The following USP7 variants were observed in gnomAD, a reference collection of about 807,000 sequenced individuals.
USP7 encodes ubiquitin C-terminal hydrolase 7.
USP7 carries 9 observed loss-of-function variants against 162.9 expected under a neutral mutation model. That is an observed-to-expected ratio of 0.06 (90% CI 0.03 to 0.10). The LOEUF (loss-of-function observed/expected upper bound fraction) is 0.10, where lower values mean the gene tolerates loss of function less well. Ranked by LOEUF, USP7 falls within the 10% of genes least tolerant of loss-of-function variation. The pLI is 1.00. For missense variants in USP7, 715 were observed against 1,373.7 expected, an observed-to-expected ratio of 0.52 and a Z score of 7.58; for synonymous variants, 562 against 475.9, an observed-to-expected ratio of 1.18 and a Z score of -2.35.
intron 1 of USP7, among the ~76,000 whole-genome samples, chr16:8,934,288 G>A (rs1042001979): frequency 6.6e-6 from 1 of 152,112 alleles, no homozygotes; most frequent in African/African-American, 2.4e-5. Flanking sequence ...GTAATTCTGA[G>A]GTACAGGTTA....
chr16:8,911,175 T>C (rs2061940940), intron 10 of USP7, among the ~76,000 whole-genome samples: 1 of 152,200 alleles, frequency 6.6e-6, no homozygotes, highest in African/African-American at 2.4e-5. Context: ...AAAGCAGAGA[T>C]GCACAAATGT....
intron 12 of USP7, 58 bp from the exon 13 acceptor site, chr16:8,906,640 T>A (rs2061864513): frequency 6.5e-7 from 1 of 1,534,924 alleles, no homozygotes; most frequent in Admixed American, 1.9e-5. Context: ...AATATCACAC[T>A]TTACAGTAAG....
At chr16:8,922,616 G>A (rs1261830966) in intron 3 of USP7, among the ~76,000 whole-genome samples, 1 of 152,248 alleles carries the variant, frequency 6.6e-6, no homozygotes, top group East Asian at 1.9e-4. Flanking sequence ...CAAGTCAGCA[G>A]CTTCCCCTGG....
intron 1 of USP7, among the ~76,000 whole-genome samples, chr16:8,936,017 C>A (rs1013359683): frequency 6.6e-6 from 1 of 152,200 alleles, no homozygotes; most frequent in Non-Finnish European, 1.5e-5. Flanking sequence ...TGCCACTTCA[C>A]GAAGATTTAT....
intron 25 of USP7, among the ~76,000 whole-genome samples, chr16:8,897,716 A>ACATATATATAT (rs1596350235): frequency 2.2e-5 from 1 of 46,218 alleles, no homozygotes; most frequent in Non-Finnish European, 4.0e-5. Context: ...AAAAAAAAAA[A>ACATATATATAT]AAAAAAAAAA....
At chr16:8,958,232 G>A (rs899087279) in intron 1 of USP7, among the ~76,000 whole-genome samples, 1 of 152,356 alleles carries the variant, frequency 6.6e-6, no homozygotes, top group South Asian at 2.1e-4. Flanking sequence ...CAAGCCAACA[G>A]GGAGAGGCGA....
intron 22 of USP7, 195 bp downstream of exon 22, chr16:8,899,409 G>C (rs927073267): frequency 1.2e-6 from 1 of 800,018 alleles, no homozygotes; most frequent in East Asian, 2.7e-5. Flanking sequence ...TAATGGTGAG[G>C]TCTACAGGTT....
In USP7 at chr16:8,916,635, C is replaced by G. The variant is rs567337391; in HGVS notation, c.852-79G>C. On this transcript the variant is annotated intron_variant, in intron 7 of 30. Coordinates refer to ENST00000344836, the MANE Select transcript of USP7 (RefSeq NM_003470.3). ...AATTAAAAGTAACTTAGATTGAAAA[C>G]CTAAACTGGATAATCAGCTATTATT... 15 of 1,361,146 alleles carry G rather than the reference C, an allele frequency of 1.1e-5. No homozygotes were observed. In the East Asian group the frequency reaches 3.5e-4, roughly 32 times the overall value. The allele number at this position is 1,361,146 out of a possible 1,614,324, so 84.3% of individuals were successfully genotyped here. A position where few individuals can be genotyped will look rare whatever the true frequency, so the allele number is the denominator to read the frequency against.
chr16:8,955,373 G>C (rs568518496), intron 1 of USP7, among the ~76,000 whole-genome samples: 2 of 150,430 alleles, frequency 1.3e-5, no homozygotes, highest in African/African-American at 4.9e-5. Context: ...GCCTCCCAAA[G>C]TGCTGGGATT....
chr16:8,897,784 A>G (rs2061712197), intron 25 of USP7, among the ~76,000 whole-genome samples: 1 of 139,566 alleles, frequency 7.2e-6, no homozygotes, highest in African/African-American at 2.7e-5. Flanking sequence ...CTGTAATCCT[A>G]GCTACTTGGG....
In USP7 at chr16:8,892,599, T is replaced by C. The variant is rs1596343272; in HGVS notation, c.*1399A>G. 1.8e-5 allele frequency: 2 copies of C among 111,880 alleles called. No individual in the cohort carries two copies. The highest frequency in any genetic ancestry group is 7.1e-5 in the African/African-American group (2 of 28,138). The allele number at this position is 111,880 out of a possible 1,614,324, so 6.9% of individuals were successfully genotyped here. Reference sequence around the variant, plus strand: ...TTTCTTAAGAGTAAATGTGACTAGTTAGAGGCTAAAAAAAAAAAAAAAAAA... The same window carrying C: ...TTTCTTAAGAGTAAATGTGACTAGTCAGAGGCTAAAAAAAAAAAAAAAAAA... On this transcript the variant is annotated 3_prime_UTR_variant, in exon 31 of 31. Transcript: ENST00000344836.
Position 8,963,656 on chromosome 16 carries a change from C to T in USP7, c.-371G>A. Among the ~76,000 whole-genome samples, 1 of 142,010 alleles carries T rather than the reference C, an allele frequency of 7.0e-6. No individual in the cohort carries two copies. Among genetic ancestry groups the T allele is most frequent in the Admixed American group, 6.9e-5 (1 of 14,462 alleles). The allele number at this position is 142,010 out of a possible 152,430, so 93.2% of individuals were successfully genotyped here. The stretch of plus-strand genomic sequence containing the variant: ...CCGCGGGCCGGCCGGGGGCGGAGGG[C>T]GGCCGGTCGGGGGCCGCGGAGTCAG... On this transcript the variant is annotated 5_prime_UTR_variant, in exon 1 of 31. Coordinates refer to ENST00000344836, the MANE Select transcript of USP7 (RefSeq NM_003470.3).
intron 10 of USP7, among the ~76,000 whole-genome samples, chr16:8,911,238 G>C (rs959930942): frequency 6.6e-6 from 1 of 152,198 alleles, no homozygotes. Flanking sequence ...TTTCCTCAGA[G>C]GTCAACACGG....
chr16:8,924,983 T>C (rs560242393), intron 2 of USP7, among the ~76,000 whole-genome samples: 46 of 152,314 alleles, frequency 3.0e-4, no homozygotes, highest in South Asian at 2.9e-3. Flanking sequence ...CTTTTGAGGA[T>C]AGAAGTCTAC....
intron 5 of USP7, among the ~76,000 whole-genome samples, 173 bp from the exon 6 acceptor site, chr16:8,919,312 C>A (rs917040791): frequency 6.6e-6 from 1 of 152,008 alleles, no homozygotes; most frequent in African/African-American, 2.4e-5. Flanking sequence ...AGTGTGTGAA[C>A]TGGTGCAAAT....
At chr16:8,920,260 C>T (rs1897615309) in intron 5 of USP7, 99 bp downstream of exon 5, 3 of 1,037,510 alleles carry the variant, frequency 2.9e-6, no homozygotes, top group Admixed American at 2.3e-5. Context: ...AGGAGGCTTA[C>T]TGATTAAATA....
intron 1 of USP7, among the ~76,000 whole-genome samples, chr16:8,959,377 C>T (rs1187468041): frequency 2.0e-5 from 3 of 151,444 alleles, no homozygotes; most frequent in Non-Finnish European, 4.4e-5. Context: ...AAAAGGATAC[C>T]TTCTTCCTAT....
At chr16:8,900,832 A>C (rs1288732807) in intron 20 of USP7, 158 bp downstream of exon 20, 1 of 834,552 alleles carries the variant, frequency 1.2e-6, no homozygotes, top group Non-Finnish European at 1.8e-6. Flanking sequence ...TAAAAAAAAA[A>C]AATTCACAAA....
chr16:8,902,062 G>A lies in USP7; in HGVS notation c.2047+20C>T, dbSNP rs1401358146. 1 of 1,599,018 alleles carries A rather than the reference G, an allele frequency of 6.3e-7. No homozygotes were observed. The highest frequency in any genetic ancestry group is 1.3e-5 in the African/African-American group (1 of 74,626). Reference sequence around the variant, plus strand: ...AACGCTACTGCTCTAAGTGCAGGCAGGCGTCTCGTGGGCACTTACGATCTT... The same window carrying A: ...AACGCTACTGCTCTAAGTGCAGGCAAGCGTCTCGTGGGCACTTACGATCTT... On this transcript the variant is annotated intron_variant, in intron 18 of 30. Coordinates refer to ENST00000344836, the MANE Select transcript of USP7 (RefSeq NM_003470.3).
Sources: gnomAD v4.1 joint callset for allele counts (sites outside exome capture counted in the v4.1 genomes callset) on GRCh38, gnomAD v4.1.1 for gene constraint, MANE v1.5 for transcripts, NCBI Gene and HGNC (gene_info 2026-07-23, HGNC 2026-07-21) for gene names.